Variants in TNIP3 observed in about 807,000 individuals in gnomAD.
The protein encoded by TNIP3 is TNFAIP3-interacting protein 3.
A neutral mutation model predicts 54.1 loss-of-function variants in TNIP3; 34 were observed. The ratio of observed to expected loss-of-function variants is 0.63; its 90% CI spans 0.48 to 0.84. TNIP3 has a LOEUF of 0.84. TNIP3 is among the 40% of genes least tolerant of loss of function. The probability of loss-of-function intolerance (pLI) is 0.00; values close to 1 mark genes in which losing one functional copy is unlikely to be tolerated. For synonymous variants in TNIP3, 134 were observed against 136.8 expected (o/e 0.98, Z 0.14); for missense variants, 366 against 387.6 (o/e 0.94, Z 0.47).
chr4:121,215,329 T>C (rs1173540616), intron 2 of TNIP3, among the ~76,000 whole-genome samples: 1 of 152,214 alleles, frequency 6.6e-6, no homozygotes, highest in Non-Finnish European at 1.5e-5. Flanking sequence ...AACTTGATCA[T>C]TATTATTTCT....
intron 10 of TNIP3, chr4:121,137,453 G>C (rs1211810626): frequency 6.6e-6 from 1 of 152,538 alleles, no homozygotes; most frequent in East Asian, 1.9e-4. Context: ...ATAGTGTTTT[G>C]ATAAATACCT....
chr4:121,195,768 G>A (rs564717834), intron 2 of TNIP3, among the ~76,000 whole-genome samples: 2 of 152,312 alleles, frequency 1.3e-5, no homozygotes, highest in South Asian at 4.1e-4. Flanking sequence ...TGGCAGCAAT[G>A]GCAAGCCTGA....
chr4:121,204,040 G>GA (rs1156373647), intron 2 of TNIP3, among the ~76,000 whole-genome samples: 3 of 151,182 alleles, frequency 2.0e-5, no homozygotes, highest in Admixed American at 2.0e-4. Flanking sequence ...TTGCATTTAT[G>GA]AAAAAATCTC....
In TNIP3 at chr4:121,175,816, CT is replaced by C. The variant is rs377334381; in HGVS notation, c.189+6859del. Among the ~76,000 whole-genome samples the C allele has an allele frequency of 2.7e-4, 41 of 152,310 alleles. No homozygotes were observed. In the East Asian group the frequency reaches 3.1e-3, roughly 11 times the overall value. ...TTCAAAAGTTAGGGAAATATTTTCTCTCCTTTAATTTTTATGAGTTTTAATT... is the reference window on the plus strand; with the variant it reads ...TTCAAAAGTTAGGGAAATATTTTCTCCCTTTAATTTTTATGAGTTTTAATT... On this transcript the variant is annotated intron_variant, in intron 3 of 12. Transcript: ENST00000507879.
At chr4:121,220,564 G>T (rs1726986802), upstream of TNIP3, among the ~76,000 whole-genome samples, 1 of 152,088 alleles carries the variant, frequency 6.6e-6, no homozygotes, top group African/African-American at 2.4e-5. Context: ...TTTCCAAGAT[G>T]CTAAAACTAG....
At chr4:121,226,662 AG>A (rs1330650274) in intron 1 of TNIP3, among the ~76,000 whole-genome samples, 1 of 152,248 alleles carries the variant, frequency 6.6e-6, no homozygotes, top group Admixed American at 6.5e-5. Flanking sequence ...TGCGCCTGTA[AG>A]CATCTAGTCT....
At chr4:121,189,866 T>C (rs1725211439) in intron 2 of TNIP3, among the ~76,000 whole-genome samples, 1 of 152,210 alleles carries the variant, frequency 6.6e-6, no homozygotes, top group Non-Finnish European at 1.5e-5. Flanking sequence ...TAGCTCCCTG[T>C]TTATTTCCTC....
chr4:121,171,857 A>G (rs915095063), intron 3 of TNIP3, among the ~76,000 whole-genome samples: 2 of 152,104 alleles, frequency 1.3e-5, no homozygotes, highest in African/African-American at 2.4e-5. Flanking sequence ...CAGCCTCCCA[A>G]GTAGTTGGGA....
Position 121,131,532 on chromosome 4 carries a change from A to G in TNIP3, c.*1099T>C, listed in dbSNP as rs1357129483. On this transcript the variant is annotated 3_prime_UTR_variant, in exon 11 of 11. Coordinates refer to ENST00000057513, the MANE Select transcript of TNIP3 (RefSeq NM_024873.6). ...AACTATAAATCCATATGTCTGAAATATTTCTGTAAGTATATATGGACACAG... is the reference window on the plus strand; with the variant it reads ...AACTATAAATCCATATGTCTGAAATGTTTCTGTAAGTATATATGGACACAG... 6.7e-6 allele frequency: 1 copy of G among 148,756 alleles called. No homozygotes were observed. The highest frequency in any genetic ancestry group is 1.5e-5 in the Non-Finnish European group (1 of 67,548). 9.2% of individuals were successfully genotyped at this position (148,756 alleles called of 1,614,324 possible). A position where few individuals can be genotyped will look rare whatever the true frequency, so the allele number is the denominator to read the frequency against.
At chr4:121,183,051 A>G (rs1387135181) in intron 2 of TNIP3, among the ~76,000 whole-genome samples, 1 of 152,240 alleles carries the variant, frequency 6.6e-6, no homozygotes, top group Non-Finnish European at 1.5e-5. Flanking sequence ...AACAATGGCA[A>G]GAATTGAATC....
intron 3 of TNIP3, among the ~76,000 whole-genome samples, chr4:121,182,498 T>C (rs1724770690): frequency 6.6e-6 from 1 of 152,192 alleles, no homozygotes; most frequent in South Asian, 2.1e-4. Context: ...AGAATTTCTT[T>C]AGTAACAGGA....
intron 3 of TNIP3, among the ~76,000 whole-genome samples, chr4:121,173,145 G>T (rs988520106): frequency 6.6e-6 from 1 of 152,144 alleles, no homozygotes. Flanking sequence ...TGTGTGGGTA[G>T]ACGTAAATAA....
chr4:121,141,694 A>T, intron 9 of TNIP3, 122 bp downstream of exon 9: 2 of 585,048 alleles, frequency 3.4e-6, no homozygotes, highest in Non-Finnish European at 5.4e-6. Context: ...TTTGCAAGTT[A>T]GAGGCTGAGA....
rs553612878 is a variant in TNIP3 at position 121,135,739 on chromosome 4, T to A, written c.946+2885A>T. On this transcript the variant is annotated intron_variant, in intron 10 of 10. Transcript: ENST00000057513. ...CTTAATAGTCAATACCACAAAATTA[T>A]TTTATGAGAATTCTGAGCAATTCAG... Among the ~76,000 whole-genome samples the A allele has an allele frequency of 6.6e-5, 10 of 152,288 alleles. No individual in the cohort carries two copies. The South Asian group carries it at 2.1e-3, about 32-fold the overall frequency.
chr4:121,216,542 G>A (rs747679211), intron 1 of TNIP3: 24 of 1,531,868 alleles, frequency 1.6e-5, no homozygotes, highest in Admixed American at 2.0e-5. Context: ...TCAGATGTAC[G>A]TCAAGGGAAG....
intron 2 of TNIP3, among the ~76,000 whole-genome samples, chr4:121,160,460 C>G (rs1254443075): frequency 6.8e-6 from 1 of 146,214 alleles, no homozygotes; most frequent in African/African-American, 2.6e-5. Context: ...GCCTGGGTGA[C>G]AGAGCAACAC....
chr4:121,218,969 G>A (rs1360358876), upstream of TNIP3, among the ~76,000 whole-genome samples: 1 of 152,200 alleles, frequency 6.6e-6, no homozygotes, highest in Non-Finnish European at 1.5e-5. Flanking sequence ...GGAGGCCGAG[G>A]CAGGTGGATC....
At chr4:121,216,461 C>A (rs957187351) in exon 2 of TNIP3, 1 of 1,535,672 alleles carries the variant, frequency 6.5e-7, no homozygotes, top group Non-Finnish European at 8.7e-7. Flanking sequence ...AGTTTATCGT[C>A]GTGTTTCTCA....
intron 10 of TNIP3, among the ~76,000 whole-genome samples, chr4:121,137,048 G>A (rs916483463): frequency 3.3e-5 from 5 of 151,964 alleles, no homozygotes; most frequent in Non-Finnish European, 7.4e-5. Flanking sequence ...ATTCTATTTA[G>A]TTTCTGAATG....
Sources: allele counts gnomAD v4.1 joint callset (sites outside exome capture counted in the v4.1 genomes callset), GRCh38; gene constraint gnomAD v4.1.1; transcripts MANE v1.5; gene names NCBI Gene and HGNC (gene_info 2026-07-23, HGNC 2026-07-21).